TCF12: variants seen among roughly 807,000 people sequenced by gnomAD.
TCF12 encodes the protein transcription factor 12, also known as DNA-binding protein HTF4.
A neutral mutation model predicts 86.0 loss-of-function variants in TCF12; 45 were observed. The observed-to-expected ratio is 0.52, with a 90% CI of 0.41 to 0.67. The LOEUF (loss-of-function observed/expected upper bound fraction) is 0.67. TCF12 is among the 30% of genes least tolerant of loss of function. The pLI, the probability that TCF12 is intolerant of heterozygous loss-of-function variation, is 0.00. For missense variants in TCF12, 881 were observed against 859.9 expected (o/e 1.02, Z -0.31); for synonymous variants, 330 against 299.6 (o/e 1.10, Z -1.05).
chr15:57,149,713 A>G (rs752549562), intron 5 of TCF12, among the ~76,000 whole-genome samples: 9 of 152,200 alleles, frequency 5.9e-5, no homozygotes, highest in Non-Finnish European at 1.3e-4. Flanking sequence ...AAGTAAAGAT[A>G]GTAGCAAATG....
intron 3 of TCF12, among the ~76,000 whole-genome samples, chr15:57,047,286 A>G (rs1459600696): frequency 1.3e-5 from 2 of 152,348 alleles, no homozygotes; most frequent in East Asian, 3.9e-4. Context: ...TGTTTGTAGA[A>G]TAAATGGAGA....
At chr15:57,222,070 A>G (rs12901671) in intron 8 of TCF12, among the ~76,000 whole-genome samples, 59,544 of 151,784 alleles carry the variant, frequency 0.39, 14,565 homozygotes, top group Non-Finnish European at 0.54. Flanking sequence ...CATTTTATAG[A>G]TTTATTTTAA....
intron 19 of TCF12, among the ~76,000 whole-genome samples, chr15:57,281,471 C>T (rs1319137880): frequency 3.9e-5 from 6 of 152,204 alleles, no homozygotes; most frequent in Admixed American, 1.3e-4. Context: ...CCCTGGGCCA[C>T]GGACCAGTAC....
intron 3 of TCF12, among the ~76,000 whole-genome samples, chr15:57,016,010 G>A (rs1440157335): frequency 6.6e-6 from 1 of 152,168 alleles, no homozygotes; most frequent in African/African-American, 2.4e-5. Context: ...TCATATGATT[G>A]CTGAGATTTC....
In TCF12 at chr15:57,232,862, C is replaced by T; in HGVS notation, c.970+6C>T. 6.5e-7 allele frequency: 1 copy of T among 1,539,010 alleles called. No individual in the cohort carries two copies. The highest frequency in any genetic ancestry group is 1.3e-5 in the South Asian group (1 of 77,604). On this transcript the variant is annotated splice_donor_region_variant and intron_variant, in intron 11 of 20. Transcript: ENST00000333725. ...TGGATCAGACAGCATTCTAGGTGAG[C>T]TTTTTGAGTTGGCAAAACTTCCTAA... is the stretch of plus-strand genomic sequence containing the variant.
intron 5 of TCF12, among the ~76,000 whole-genome samples, chr15:57,129,389 C>T (rs2051934088): frequency 6.6e-6 from 1 of 152,138 alleles, no homozygotes; most frequent in Admixed American, 6.5e-5. Context: ...TGCAAAACCC[C>T]ATCTCTAGAA....
rs529843656 is a variant in TCF12, at chr15:57,168,440, A to T, written c.390+1974A>T. ...AGTGCTTTAAGGCCAACCAAGATAC[A>T]CAATTTATTCTGTATAGTTTTAGCA... On this transcript the variant is annotated intron_variant, in intron 6 of 20. Coordinates refer to ENST00000333725, the MANE Select transcript of TCF12 (RefSeq NM_207037.2). 5.9e-5 allele frequency among the ~76,000 whole-genome samples: 9 copies of T among 152,350 alleles called. No homozygotes were observed. In the South Asian group the frequency reaches 1.9e-3, roughly 32 times the overall value.
At chr15:57,204,825 T>C (rs1566912334) in intron 8 of TCF12, among the ~76,000 whole-genome samples, 1 of 152,122 alleles carries the variant, frequency 6.6e-6, no homozygotes, top group African/African-American at 2.4e-5. Flanking sequence ...AATGAATAAT[T>C]TTAAAACTAT....
chr15:57,045,035 T>C (rs2067140038), intron 3 of TCF12, among the ~76,000 whole-genome samples: 1 of 152,208 alleles, frequency 6.6e-6, no homozygotes, highest in South Asian at 2.1e-4. Context: ...AAAGCAGATA[T>C]AATTGATCAT....
chr15:57,259,178 A>G (rs1457471444), intron 16 of TCF12, among the ~76,000 whole-genome samples: 8 of 152,180 alleles, frequency 5.3e-5, no homozygotes, highest in Admixed American at 2.6e-4. Flanking sequence ...CAACTTTTTT[A>G]AAATTTGAAA....
At chr15:57,046,906 A>G (rs555089950) in intron 3 of TCF12, among the ~76,000 whole-genome samples, 1 of 152,128 alleles carries the variant, frequency 6.6e-6, no homozygotes, top group South Asian at 2.1e-4. Context: ...GCTCTGAACA[A>G]TACATAAACT....
intron 3 of TCF12, among the ~76,000 whole-genome samples, chr15:57,007,788 TTCTCTCTTTCTTTC>T (rs1430156573): frequency 1.5e-4 from 8 of 53,310 alleles, no homozygotes; most frequent in Non-Finnish European, 3.4e-4. Flanking sequence ...CTTTCTTTCT[TTCTCTCTTTCTTTC>T]TTTCTTTCTT....
At chr15:57,114,056 T>G (rs1285664840) in intron 5 of TCF12, among the ~76,000 whole-genome samples, 1 of 152,210 alleles carries the variant, frequency 6.6e-6, no homozygotes, top group Non-Finnish European at 1.5e-5. Flanking sequence ...TGGAGGACTT[T>G]AGTGAGTGGC....
intron 12 of TCF12, among the ~76,000 whole-genome samples, chr15:57,236,805 C>T (rs1051416440): frequency 6.7e-6 from 1 of 149,658 alleles, no homozygotes; most frequent in Non-Finnish European, 1.5e-5. Context: ...ACAAAGTTCC[C>T]AAAGCCCTGT....
intron 5 of TCF12, among the ~76,000 whole-genome samples, chr15:57,141,218 T>G (rs1294475251): frequency 1.3e-5 from 2 of 152,182 alleles, no homozygotes; most frequent in Non-Finnish European, 2.9e-5. Flanking sequence ...GTGAACAAGT[T>G]TTAGATTGCT....
intron 5 of TCF12, among the ~76,000 whole-genome samples, chr15:57,160,094 T>G (rs1489042763): frequency 9.9e-5 from 15 of 152,212 alleles, no homozygotes; most frequent in Non-Finnish European, 2.1e-4. Context: ...ATTTGGGTGT[T>G]GAAGGCAGAG....
intron 16 of TCF12, among the ~76,000 whole-genome samples, chr15:57,259,756 C>G (rs1437652930): frequency 6.6e-6 from 1 of 152,210 alleles, no homozygotes; most frequent in Non-Finnish European, 1.5e-5. Flanking sequence ...ACAATTAAAC[C>G]GAGTCCTATC....
intron 6 of TCF12, 55 bp from the exon 7 acceptor site, chr15:57,192,103 G>C: frequency 4.4e-6 from 7 of 1,593,562 alleles, no homozygotes; most frequent in Non-Finnish European, 6.0e-6. Context: ...GAAATTTTCA[G>C]GTTTGGGTCA....
At chr15:57,233,595 A>T (rs1462574358) in intron 11 of TCF12, among the ~76,000 whole-genome samples, 6 of 152,050 alleles carry the variant, frequency 3.9e-5, no homozygotes, top group African/African-American at 1.2e-4. Flanking sequence ...CCCCAGCTTC[A>T]GCTTCCCAAG....
Sources: gnomAD v4.1 joint callset for allele counts (sites outside exome capture counted in the v4.1 genomes callset) on GRCh38, gnomAD v4.1.1 for gene constraint, MANE v1.5 for transcripts, NCBI Gene and HGNC (gene_info 2026-07-23, HGNC 2026-07-21) for gene names.